The following MRPS6 variants were observed in gnomAD, a reference collection of about 807,000 sequenced individuals.
MRPS6 encodes small ribosomal subunit protein bS6m.
MRPS6 carries 6 observed loss-of-function variants against 13.1 expected under a neutral mutation model. The observed-to-expected ratio is 0.46, with a 90% CI of 0.25 to 0.91. MRPS6 has a LOEUF of 0.91. Ranked by LOEUF, MRPS6 falls within the 40% of genes least tolerant of loss-of-function variation. The pLI, the probability that MRPS6 is intolerant of heterozygous loss-of-function variation, is 0.18. For synonymous variants in MRPS6, 61 were observed against 56.5 expected (o/e 1.08, Z -0.36); for missense variants, 164 against 155.6 (o/e 1.05, Z -0.29).
chr21:34,088,420 C>T (rs565242277), intron 1 of MRPS6, among the ~76,000 whole-genome samples: 1 of 152,250 alleles, frequency 6.6e-6, no homozygotes, highest in East Asian at 1.9e-4. Context: ...TACTTTTAAT[C>T]TCTGCATTTT....
At chr21:34,121,815 A>G (rs961946977) in intron 1 of MRPS6, among the ~76,000 whole-genome samples, 1 of 152,216 alleles carries the variant, frequency 6.6e-6, no homozygotes, top group Non-Finnish European at 1.5e-5. Flanking sequence ...TAATAGATCT[A>G]TAGGTTTCAC....
At position 34,105,041 on chromosome 21, in the gene MRPS6, CTT is replaced by C. The variant is rs146361117; in HGVS notation, c.46-20297_46-20296del. 1,597 of 1,000,042 alleles carry C rather than the reference CTT, an allele frequency of 1.6e-3. 16 individuals are homozygous for C. In the African/African-American group the frequency reaches 0.019, roughly 12 times the overall value. 61.9% of individuals were successfully genotyped at this position (1,000,042 alleles called of 1,614,324 possible). ...CTTTTGAGTGGCAAACAGATCAAGT[CTT>C]TTGCTCATAGACTTTTCTGTGGGGT... On this transcript the variant is annotated intron_variant, in intron 1 of 2. Coordinates refer to ENST00000399312, the MANE Select transcript of MRPS6 (RefSeq NM_032476.4).
chr21:34,139,385 T>C (rs1980828495), intron 2 of MRPS6, among the ~76,000 whole-genome samples: 1 of 152,184 alleles, frequency 6.6e-6, no homozygotes, highest in Admixed American at 6.5e-5. Context: ...AATTCACCAG[T>C]GAAGTCATTT....
rs147835224 is a variant in MRPS6 at position 34,082,839 on chromosome 21, T to C, written c.45+9094T>C. ...ACGTACGTTTTGGCCCAAGGTGTAATTGACTTGTTTTGCTTCCCCTTGCAA... is the reference window on the plus strand; with the variant it reads ...ACGTACGTTTTGGCCCAAGGTGTAACTGACTTGTTTTGCTTCCCCTTGCAA... On this transcript the variant is annotated intron_variant, in intron 1 of 2. Transcript: ENST00000399312. Among the ~76,000 whole-genome samples, 719 of 152,330 alleles carry C rather than the reference T, an allele frequency of 4.7e-3. 3 individuals carry two copies. Among genetic ancestry groups the C allele is most frequent in the African/African-American group, 0.017 (690 of 41,574 alleles).
Position 34,142,671 on chromosome 21 carries a change from T to C in MRPS6, c.*71T>C. ...GGGCAGCATGGACGAGAAGGAAGAA[T>C]TTGCAAGTTTGGCCTTTATATAAGC... On this transcript the variant is annotated 3_prime_UTR_variant, in exon 3 of 3. Coordinates refer to ENST00000399312, the MANE Select transcript of MRPS6 (RefSeq NM_032476.4). The C allele has an allele frequency of 2.7e-6, 4 of 1,455,000 alleles. No individual in the cohort carries two copies. In the South Asian group the frequency reaches 6.2e-5, roughly 23 times the overall value. The allele number at this position is 1,455,000 out of a possible 1,614,324, so 90.1% of individuals were successfully genotyped here. A position where few individuals can be genotyped will look rare whatever the true frequency, so the allele number is the denominator to read the frequency against.
chr21:34,078,774 A>G (rs1989392132), intron 1 of MRPS6, among the ~76,000 whole-genome samples: 1 of 152,260 alleles, frequency 6.6e-6, no homozygotes, highest in Non-Finnish European at 1.5e-5. Context: ...TAGAGAACAA[A>G]TGATAAAATA....
chr21:34,104,044 A>C (rs767076797), intron 1 of MRPS6: 1 of 1,000,152 alleles, frequency 1.0e-6, no homozygotes, highest in Non-Finnish European at 1.2e-6. Flanking sequence ...ACATGCAGAA[A>C]GTCATACTTT....
intron 1 of MRPS6, among the ~76,000 whole-genome samples, chr21:34,108,124 G>A (rs1979554669): frequency 1.3e-5 from 2 of 152,162 alleles, no homozygotes; most frequent in Non-Finnish European, 2.9e-5. Flanking sequence ...CCTGTTGATG[G>A]TGGTGCTGGT....
chr21:34,139,640 C>A (rs1980841222), intron 2 of MRPS6, among the ~76,000 whole-genome samples: 1 of 152,096 alleles, frequency 6.6e-6, no homozygotes, highest in South Asian at 2.1e-4. Context: ...TGCAGTGATA[C>A]AATCACGGCT....
intron 2 of MRPS6, among the ~76,000 whole-genome samples, chr21:34,136,561 A>G (rs191559915): frequency 1.3e-5 from 2 of 152,258 alleles, no homozygotes; most frequent in African/African-American, 2.4e-5. Context: ...TCTCATGACT[A>G]ATGGCTTTAG....
At chr21:34,140,604 A>G (rs1216220702) in intron 2 of MRPS6, among the ~76,000 whole-genome samples, 2 of 152,150 alleles carry the variant, frequency 1.3e-5, no homozygotes, top group African/African-American at 4.8e-5. Context: ...CACTTTTTCT[A>G]TATCCTTGGT....
intron 1 of MRPS6, chr21:34,104,608 C>G (rs1004033921): frequency 2.0e-6 from 2 of 999,996 alleles, no homozygotes; most frequent in African/African-American, 3.5e-5. Context: ...AACCTGAACA[C>G]TTTGAGGGAG....
At chr21:34,078,158 A>T in intron 1 of MRPS6, among the ~76,000 whole-genome samples, 1 of 152,074 alleles carries the variant, frequency 6.6e-6, no homozygotes, top group East Asian at 1.9e-4. Flanking sequence ...TTTTCTTCCC[A>T]TGGGCCCTCC....
chr21:34,122,111 A>G (rs951702147), intron 1 of MRPS6: 8 of 152,242 alleles, frequency 5.3e-5, no homozygotes, highest in Non-Finnish European at 1.2e-4. Context: ...GCCCATCACA[A>G]TATAGAACCA....
chr21:34,121,432 G>C (rs6517203), intron 1 of MRPS6, among the ~76,000 whole-genome samples: 3,141 of 152,182 alleles, frequency 0.021, 108 homozygotes, highest in African/African-American at 0.071. Flanking sequence ...TAGTGAATGA[G>C]CTAGGACTAG....
intron 2 of MRPS6, among the ~76,000 whole-genome samples, chr21:34,137,387 A>G (rs757874966): frequency 1.3e-5 from 2 of 152,240 alleles, no homozygotes; most frequent in African/African-American, 2.4e-5. Context: ...TTTCTCTGCA[A>G]GTATTGAATG....
chr21:34,083,044 C>T (rs1989494872), intron 1 of MRPS6, among the ~76,000 whole-genome samples: 1 of 152,198 alleles, frequency 6.6e-6, no homozygotes, highest in African/African-American at 2.4e-5. Flanking sequence ...TCTGCTTCTG[C>T]CCCAGAATCG....
chr21:34,073,854 C>G lies in MRPS6; in HGVS notation c.45+109C>G, dbSNP rs886203957. 6 of 605,484 alleles carry G rather than the reference C, an allele frequency of 9.9e-6. No individual in the cohort carries two copies. The African/African-American group carries it at 1.2e-4, about 12-fold the overall frequency. The allele number at this position is 605,484 out of a possible 1,614,324, so 37.5% of individuals were successfully genotyped here. ...GCGGGACCCCGGGCCTTCCTGCACT[C>G]CTCGGAGGAGGCCGGGGCGGCGGGC... is the stretch of plus-strand genomic sequence containing the variant. On this transcript the variant is annotated intron_variant, in intron 1 of 2. Transcript: ENST00000399312.
At chr21:34,141,465 G>T (rs772258003) in intron 2 of MRPS6, among the ~76,000 whole-genome samples, 42 of 152,186 alleles carry the variant, frequency 2.8e-4, no homozygotes, top group Admixed American at 1.2e-3. Flanking sequence ...AAGTTGGGCG[G>T]AGAACATTTC....
Sources: gnomAD v4.1 joint callset for allele counts (sites outside exome capture counted in the v4.1 genomes callset) on GRCh38, gnomAD v4.1.1 for gene constraint, MANE v1.5 for transcripts, NCBI Gene and HGNC (gene_info 2026-07-23, HGNC 2026-07-21) for gene names.